CTNNA3: variants seen among roughly 807,000 people sequenced by gnomAD.
CTNNA3 encodes catenin alpha 3, also known as catenin alpha-3.
A neutral mutation model predicts 95.7 loss-of-function variants in CTNNA3; 76 were observed. The ratio of observed to expected loss-of-function variants is 0.79; its 90% confidence interval spans 0.66 to 0.96. The LOEUF (loss-of-function observed/expected upper bound fraction) is 0.96, where lower values mean the gene tolerates loss of function less well. CTNNA3 is among the 40% of genes least tolerant of loss of function. The probability of loss-of-function intolerance (pLI) is 0.00; values close to 1 mark genes in which losing one functional copy is unlikely to be tolerated. For missense variants in CTNNA3, 1,191 were observed against 1,089.8 expected (o/e 1.09, Z -1.31); for synonymous variants, 431 against 374.4 (o/e 1.15, Z -1.74).
At chr10:66,735,369 T>C (rs1225481230) in intron 9 of CTNNA3, among the ~76,000 whole-genome samples, 1 of 151,934 alleles carries the variant, frequency 6.6e-6, no homozygotes, top group African/African-American at 2.4e-5. Context: ...TAACTAACAT[T>C]TTGATACTAC....
At chr10:66,091,417 G>A (rs924382324) in intron 14 of CTNNA3, among the ~76,000 whole-genome samples, 1 of 151,678 alleles carries the variant, frequency 6.6e-6, no homozygotes, top group Non-Finnish European at 1.5e-5. Context: ...TTCTGCACAG[G>A]TCTCTTTTCC....
At position 66,921,187 on chromosome 10, in the gene CTNNA3, G is replaced by A. The variant is rs187286123; in HGVS notation, c.1048-145663C>T. On this transcript the variant is annotated intron_variant, in intron 7 of 17. Coordinates refer to ENST00000433211, the MANE Select transcript of CTNNA3 (RefSeq NM_013266.4). ...CTTCTCTTGTAGCAGAGAGAGAGAA[G>A]AAGCAAGCTCTCTCATTTCTGTCTC... is the stretch of plus-strand genomic sequence containing the variant. 2.3e-3 allele frequency among the ~76,000 whole-genome samples: 349 copies of A among 152,262 alleles called. 4 individuals carry two copies. The highest frequency in any genetic ancestry group is 4.0e-3 in the Non-Finnish European group (274 of 68,014).
chr10:66,992,659 A>C (rs2132941394), intron 7 of CTNNA3, among the ~76,000 whole-genome samples: 1 of 152,240 alleles, frequency 6.6e-6, no homozygotes, highest in East Asian at 1.9e-4. Context: ...ATTTTCTTAA[A>C]TGTTCTTATC....
chr10:66,270,232 G>GC (rs933694924), intron 13 of CTNNA3, among the ~76,000 whole-genome samples: 1 of 151,204 alleles, frequency 6.6e-6, no homozygotes, highest in African/African-American at 2.4e-5. Flanking sequence ...TTTGGGGGGG[G>GC]GGGCAGGGTC....
At chr10:65,922,413 G>A (rs1287604372) in intron 17 of CTNNA3, among the ~76,000 whole-genome samples, 8 of 152,082 alleles carry the variant, frequency 5.3e-5, no homozygotes, top group Non-Finnish European at 5.9e-5. Flanking sequence ...AGAGCAAATA[G>A]AAGTACTCAG....
chr10:67,496,703 C>T (rs1036461076), intron 5 of CTNNA3, among the ~76,000 whole-genome samples: 5 of 152,034 alleles, frequency 3.3e-5, no homozygotes, highest in Non-Finnish European at 5.9e-5. Flanking sequence ...AAATTTGTAG[C>T]GCTGTCCTAA....
chr10:67,436,850 A>C (rs895041911), intron 5 of CTNNA3, among the ~76,000 whole-genome samples: 1 of 152,188 alleles, frequency 6.6e-6, no homozygotes, highest in Non-Finnish European at 1.5e-5. Context: ...TGCGGTGATC[A>C]GGGAACACTT....
rs369234876 is a variant in CTNNA3, at chr10:66,940,334, A to C, written c.1048-164810T>G. On this transcript the variant is annotated intron_variant, in intron 7 of 17. Coordinates refer to ENST00000433211, the MANE Select transcript of CTNNA3 (RefSeq NM_013266.4). ...CATAGCAAGGCCTCATCTCTACAAA[A>C]AATGAAAAAAAATTACCTGGGTGTG... Among the ~76,000 whole-genome samples the C allele has an allele frequency of 1.1e-4, 17 of 152,074 alleles. No individual in the cohort carries two copies. The East Asian group carries it at 3.3e-3, about 29-fold the overall frequency.
At chr10:67,012,182 G>C (rs1429469276) in intron 7 of CTNNA3, 2 of 152,214 alleles carry the variant, frequency 1.3e-5, no homozygotes, top group Non-Finnish European at 2.9e-5. Flanking sequence ...TACAGTGTGT[G>C]ATGCACTTCC....
At chr10:66,718,226 C>T (rs1207344937) in intron 9 of CTNNA3, among the ~76,000 whole-genome samples, 1 of 151,872 alleles carries the variant, frequency 6.6e-6, no homozygotes, top group Non-Finnish European at 1.5e-5. Flanking sequence ...CTCAATAATC[C>T]TAAATGTTGC....
chr10:66,067,631 A>G (rs1589319229), intron 15 of CTNNA3, among the ~76,000 whole-genome samples: 2 of 151,996 alleles, frequency 1.3e-5, no homozygotes, highest in Admixed American at 1.3e-4. Flanking sequence ...TATTCAAAAA[A>G]GTTTGGCCAG....
intron 7 of CTNNA3, among the ~76,000 whole-genome samples, chr10:67,120,804 T>C (rs1388970738): frequency 2.6e-5 from 4 of 152,048 alleles, no homozygotes; most frequent in African/African-American, 9.7e-5. Context: ...AATGCGTAAG[T>C]CTTTCCTAAA....
At chr10:67,548,862 T>A (rs932910721) in intron 3 of CTNNA3, among the ~76,000 whole-genome samples, 1 of 151,836 alleles carries the variant, frequency 6.6e-6, no homozygotes, top group South Asian at 2.1e-4. Flanking sequence ...CTATATCCAA[T>A]AAGGGGCTTA....
intron 16 of CTNNA3, among the ~76,000 whole-genome samples, chr10:65,984,835 C>T (rs1268535602): frequency 1.3e-5 from 2 of 151,128 alleles, no homozygotes; most frequent in Non-Finnish European, 3.0e-5. Flanking sequence ...TCACTTATTT[C>T]ACTAAGATTT....
chr10:67,754,874 G>A (rs1266187301), intron 1 of CTNNA3, among the ~76,000 whole-genome samples: 2 of 151,900 alleles, frequency 1.3e-5, no homozygotes, highest in East Asian at 1.9e-4. Context: ...CAGAAAATGG[G>A]CAAAAGAGCT....
At chr10:67,281,014 C>A (rs1239729888) in intron 5 of CTNNA3, among the ~76,000 whole-genome samples, 2 of 152,000 alleles carry the variant, frequency 1.3e-5, no homozygotes, top group Non-Finnish European at 2.9e-5. Flanking sequence ...TAGGCTTCCC[C>A]ACAAAACACA....
chr10:66,497,945 A>G (rs1182574225), intron 11 of CTNNA3, among the ~76,000 whole-genome samples: 1 of 152,130 alleles, frequency 6.6e-6, no homozygotes, highest in Non-Finnish European at 1.5e-5. Flanking sequence ...AAATCTATCT[A>G]TCAAAAATCT....
intron 6 of CTNNA3, among the ~76,000 whole-genome samples, chr10:67,212,885 T>A (rs1376776805): frequency 6.6e-6 from 1 of 151,896 alleles, no homozygotes; most frequent in Non-Finnish European, 1.5e-5. Flanking sequence ...TAAATTAGAT[T>A]GGCATGTGAA....
rs188850305 is a variant in CTNNA3 at position 66,649,050 on chromosome 10, G to A, written c.1282-27266C>T. Among the ~76,000 whole-genome samples, 257 of 152,244 alleles carry A rather than the reference G, an allele frequency of 1.7e-3. 3 individuals carry two copies. Among genetic ancestry groups the A allele is most frequent in the African/African-American group, 4.1e-4 (17 of 41,538 alleles). On this transcript the variant is annotated intron_variant, in intron 9 of 17. Transcript: ENST00000433211. Reference sequence around the variant, plus strand: ...AAACACCCACAAAGTAGATTCATAGGAAATGGCCAGAGAGGTAGAAGGAAA... The same window carrying A: ...AAACACCCACAAAGTAGATTCATAGAAAATGGCCAGAGAGGTAGAAGGAAA...
Sources: gnomAD v4.1 joint callset for allele counts (sites outside exome capture counted in the v4.1 genomes callset) on GRCh38, gnomAD v4.1.1 for gene constraint, MANE v1.5 for transcripts, NCBI Gene and HGNC (gene_info 2026-07-23, HGNC 2026-07-21) for gene names.